Variants in SPG7 observed in about 807,000 individuals in gnomAD.
SPG7 encodes the protein mitochondrial inner membrane m-AAA protease component paraplegin.
In SPG7, 103 loss-of-function variants were observed where a neutral mutation model predicts 81.9. The observed-to-expected ratio is 1.26, with a 90% CI of 1.07 to 1.48. The LOEUF (loss-of-function observed/expected upper bound fraction) is 1.48. Among genes scored for constraint, SPG7 ranks in the 40% most tolerant of loss-of-function variants. The pLI is 0.00. For synonymous variants in SPG7, 534 were observed against 444.2 expected (o/e 1.20, Z -2.54); for missense variants, 1,241 against 1,087.3 (o/e 1.14, Z -1.99).
At chr16:89,547,592 C>T (rs933419964) in intron 11 of SPG7, 18 of 275,552 alleles carry the variant, frequency 6.5e-5, no homozygotes, top group Non-Finnish European at 2.8e-5. Flanking sequence ...TCTCTTTTCC[C>T]TCTTTGTTCT....
At position 89,557,099 on chromosome 16, in the gene SPG7, A is replaced by C; in HGVS notation, c.*6A>C. The C allele has an allele frequency of 6.2e-7, 1 of 1,609,706 alleles. No individual in the cohort carries two copies. Among genetic ancestry groups the C allele is most frequent in the Non-Finnish European group, 8.5e-7 (1 of 1,178,800 alleles). ...AGCCGACTTGGCCCAAGTAGTTGGG[A>C]GGTGTTGGCTGCACGTGCGGGTGGT... On this transcript the variant is annotated 3_prime_UTR_variant, in exon 17 of 17. Transcript: ENST00000645818.
intron 2 of SPG7, among the ~76,000 whole-genome samples, chr16:89,512,684 T>C (rs1471142432): frequency 6.6e-6 from 1 of 152,268 alleles, no homozygotes; most frequent in South Asian, 2.1e-4. Context: ...TGTTCATAAC[T>C]ATTTTTTATT....
chr16:89,545,614 G>A (rs1463359506), intron 10 of SPG7: 1 of 246,726 alleles, frequency 4.1e-6, no homozygotes, highest in South Asian at 3.8e-5. Flanking sequence ...TGTTTCTCCA[G>A]GGGACACTGT....
chr16:89,555,567 G>A (rs2058679170), intron 16 of SPG7: 1 of 255,520 alleles, frequency 3.9e-6, no homozygotes, highest in Non-Finnish European at 7.3e-6. Flanking sequence ...CCGGTCTTGG[G>A]AGTCCACATG....
intron 3 of SPG7, chr16:89,516,695 C>T (rs1413659678): frequency 2.0e-5 from 3 of 148,994 alleles, no homozygotes; most frequent in Non-Finnish European, 4.5e-5. Flanking sequence ...CCTGTCTCTA[C>T]TAAAAATACA....
At position 89,511,724 on chromosome 16, in the gene SPG7, C is replaced by G. The variant is rs986391613; in HGVS notation, c.286+1132C>G. On this transcript the variant is annotated intron_variant, in intron 2 of 16. Transcript: ENST00000645818. ...AGGTCATGGTTGTGAAACTCTTTCC[C>G]TATTTTTATTATTTTTTATTATTAT... Among the ~76,000 whole-genome samples the G allele has an allele frequency of 3.3e-4, 50 of 152,132 alleles. 1 individual carries two copies. The highest frequency in any genetic ancestry group is 1.8e-4 in the Non-Finnish European group (12 of 68,028).
Position 89,526,386 on chromosome 16 carries a change from C to G in SPG7, c.676C>G (p.Leu226Val). 6.2e-7 allele frequency: 1 copy of G among 1,614,168 alleles called. No individual in the cohort carries two copies. The highest frequency in any genetic ancestry group is 1.1e-5 in the South Asian group (1 of 91,086). ...AAATATTGACAAGTTTGAAGAGAAGCTTCGAGCAGCTGAAGATGAGCTGAA... is the reference window on the plus strand; with the variant it reads ...AAATATTGACAAGTTTGAAGAGAAGGTTCGAGCAGCTGAAGATGAGCTGAA... ...VANIDKFEEK[L>V]RAAEDELNIE... Residue 226 changes from leucine (L) to valine (V), a missense_variant, in exon 5 of 17, where the codon CTT becomes GTT. Physicochemically the swap from Leu to Val is conservative, Grantham distance 32. Transcript: ENST00000645818.
intron 3 of SPG7, chr16:89,523,533 C>T: frequency 2.8e-6 from 1 of 358,834 alleles, no homozygotes; most frequent in Non-Finnish European, 5.5e-6. Flanking sequence ...TGAGCTTGCA[C>T]TTTGCAGCAG....
intron 9 of SPG7, chr16:89,536,707 T>C: frequency 6.2e-7 from 1 of 1,604,656 alleles, no homozygotes; most frequent in Admixed American, 1.7e-5. Context: ...GCTCTGGCTG[T>C]GTGGCGTGGA....
Position 89,557,211 on chromosome 16 carries a change from A to G in SPG7, c.*118A>G, listed in dbSNP as rs113158735. The stretch of plus-strand genomic sequence containing the variant: ...TCTCGCGGCCCTCAGTAGTCCCTGC[A>G]CAGTGACTTCTGAGATCTGTTGATT... On this transcript the variant is annotated 3_prime_UTR_variant, in exon 17 of 17. Coordinates refer to ENST00000645818, the MANE Select transcript of SPG7 (RefSeq NM_003119.4). 2,217 of 686,390 alleles carry G rather than the reference A, an allele frequency of 3.2e-3. 38 individuals carry two copies. The African/African-American group carries it at 0.036, about 11-fold the overall frequency. The allele number at this position is 686,390 out of a possible 1,614,324, so 42.5% of individuals were successfully genotyped here. A position where few individuals can be genotyped will look rare whatever the true frequency, so the allele number is the denominator to read the frequency against.
At chr16:89,549,076 G>A (rs558604063) in intron 12 of SPG7, 7 of 456,262 alleles carry the variant, frequency 1.5e-5, no homozygotes, top group South Asian at 3.1e-5. Context: ...GCTTCTCTCC[G>A]ACAGCCCTGC....
At chr16:89,546,218 C>G in intron 10 of SPG7, 1 of 311,138 alleles carries the variant, frequency 3.2e-6, no homozygotes, top group Non-Finnish European at 6.3e-6. Context: ...TCCCGAGTAG[C>G]TGGGATTACA....
In SPG7 at chr16:89,554,012, T is replaced by C. The variant is rs778655181; in HGVS notation, c.2103+52T>C. On this transcript the variant is annotated intron_variant, in intron 15 of 16. Transcript: ENST00000645818. ...CCCTCTGTGCTCCCCGGGGAGGGAG[T>C]CCCTGGGTCTACCACACAAGGGTCG... 9 of 1,590,184 alleles carry C rather than the reference T, an allele frequency of 5.7e-6. No homozygotes were observed. The Admixed American group carries it at 8.3e-5, about 15-fold the overall frequency.
intron 5 of SPG7, chr16:89,527,120 T>C (rs190529404): frequency 9.8e-5 from 16 of 162,750 alleles, no homozygotes; most frequent in Non-Finnish European, 2.2e-4. Flanking sequence ...ATCGTTGTTA[T>C]ACTTTAGGGA....
At chr16:89,541,397 C>T (rs2058494848) in intron 9 of SPG7, 1 of 891,756 alleles carries the variant, frequency 1.1e-6, no homozygotes, top group Non-Finnish European at 1.3e-6. Flanking sequence ...ACGAAATTGT[C>T]AAAATAACAA....
At chr16:89,546,299 T>C in intron 10 of SPG7, 1 of 335,952 alleles carries the variant, frequency 3.0e-6, no homozygotes, top group South Asian at 2.4e-5. Flanking sequence ...TTGGCCAGAC[T>C]GCCCACTTCA....
chr16:89,548,044 G>A lies in SPG7; in HGVS notation c.1594G>A (p.Ala532Thr), dbSNP rs767157721. The change falls in exon 12 of 17, where the codon GCG becomes ACG. Residue 532 changes from alanine (A) to threonine (T), a missense_variant. Physicochemically the swap from Ala to Thr is moderately conservative, Grantham distance 58 (BLOSUM62 0). Coordinates refer to ENST00000645818, the MANE Select transcript of SPG7 (RefSeq NM_003119.4). Reference protein sequence around the residue: ...ANICNEAALHAAREGHTSVHT... With the variant: ...ANICNEAALHTAREGHTSVHT... ...CATCTGCAATGAGGCTGCGCTGCACGCGGCGCGGGAGGGACACACTTCCGT... is the reference window on the plus strand; with the variant it reads ...CATCTGCAATGAGGCTGCGCTGCACACGGCGCGGGAGGGACACACTTCCGT... 5.6e-6 allele frequency: 9 copies of A among 1,612,008 alleles called. No homozygotes were observed. Among genetic ancestry groups the A allele is most frequent in the Admixed American group, 1.7e-5 (1 of 60,014 alleles).
chr16:89,534,858 A>T (rs1345684774), intron 9 of SPG7, among the ~76,000 whole-genome samples: 1 of 152,016 alleles, frequency 6.6e-6, no homozygotes, highest in African/African-American at 2.4e-5. Flanking sequence ...CGCCCCCCCG[A>T]TGTGGATGTT....
intron 3 of SPG7, chr16:89,521,105 G>C (rs1308999650): frequency 1.3e-5 from 2 of 152,270 alleles, no homozygotes. Context: ...GTGGCTGGAA[G>C]AGCCTTCTCT....
Sources: gnomAD v4.1 joint callset for allele counts (sites outside exome capture counted in the v4.1 genomes callset) on GRCh38, gnomAD v4.1.1 for gene constraint, MANE v1.5 for transcripts, NCBI Gene and HGNC (gene_info 2026-07-23, HGNC 2026-07-21) for gene names.